The following SAMD5 variants were observed in gnomAD, a reference collection of about 807,000 sequenced individuals.
SAMD5 encodes sterile alpha motif domain-containing protein 5.
A neutral mutation model predicts 11.3 loss-of-function variants in SAMD5; 13 were observed. That is an observed-to-expected ratio of 1.15 (90% confidence interval 0.75 to 1.83). The LOEUF (loss-of-function observed/expected upper bound fraction) is 1.83, where lower values mean the gene tolerates loss of function less well. Among genes scored for constraint, SAMD5 ranks in the 40% most tolerant of loss-of-function variants. SAMD5 has a pLI of 0.00. For synonymous variants in SAMD5, 129 were observed against 111.3 expected (o/e 1.16, Z -1.00); for missense variants, 255 against 239.1 (o/e 1.07, Z -0.44).
chr6:147,541,246 G>A (rs1018352600), intron 1 of SAMD5, among the ~76,000 whole-genome samples: 1 of 152,142 alleles, frequency 6.6e-6, no homozygotes, highest in Non-Finnish European at 1.5e-5. Context: ...CACGACACCA[G>A]GCCCTTCAAG....
chr6:147,625,055 A>G (rs1790030831), intron 1 of SAMD5, among the ~76,000 whole-genome samples: 2 of 152,290 alleles, frequency 1.3e-5, no homozygotes, highest in Admixed American at 1.3e-4. Flanking sequence ...ACACTTGAAA[A>G]GACTGGGCGA....
At chr6:147,828,525 C>T in the SAMD5 span, among the ~76,000 whole-genome samples, 1 of 152,156 alleles carries the variant, frequency 6.6e-6, no homozygotes, top group Non-Finnish European at 1.5e-5. Context: ...AGAATAAAAG[C>T]AGGCAGAAGA....
chr6:147,834,804 C>G, the SAMD5 span, among the ~76,000 whole-genome samples: 19 of 152,172 alleles, frequency 1.2e-4, no homozygotes, highest in East Asian at 1.7e-3. Context: ...GAGATTATGC[C>G]CTAAATGAGA....
chr6:147,872,717 A>G, the SAMD5 span, among the ~76,000 whole-genome samples: 1 of 152,148 alleles, frequency 6.6e-6, no homozygotes, highest in East Asian at 1.9e-4. Context: ...TGGAACAGAC[A>G]TGAGGAAAAT....
intron 1 of SAMD5, among the ~76,000 whole-genome samples, chr6:147,663,295 C>T (rs762648407): frequency 6.6e-6 from 1 of 152,024 alleles, no homozygotes; most frequent in Non-Finnish European, 1.5e-5. Flanking sequence ...CATAGAGGGA[C>T]TAACACACTC....
intron 1 of SAMD5, among the ~76,000 whole-genome samples, chr6:147,604,307 T>C (rs1351209997): frequency 1.3e-5 from 2 of 152,106 alleles, no homozygotes; most frequent in Non-Finnish European, 2.9e-5. Context: ...TTGCCCTTAA[T>C]TGTTCCTCCT....
At chr6:147,625,241 G>A (rs73006391) in intron 1 of SAMD5, among the ~76,000 whole-genome samples, 5,429 of 152,288 alleles carry the variant, frequency 0.036, 127 homozygotes, top group South Asian at 0.054. Context: ...GCTTCATGTG[G>A]ACATGGTGTT....
the SAMD5 span, among the ~76,000 whole-genome samples, chr6:147,798,874 G>A: frequency 6.6e-6 from 1 of 152,154 alleles, no homozygotes; most frequent in African/African-American, 2.4e-5. Flanking sequence ...TGTTTTATCA[G>A]AGACTAGGAT....
At chr6:147,540,702 A>G (rs1788586112) in intron 1 of SAMD5, among the ~76,000 whole-genome samples, 1 of 152,054 alleles carries the variant, frequency 6.6e-6, no homozygotes, top group African/African-American at 2.4e-5. Flanking sequence ...GAGTCTCACA[A>G]ATCCTTTTTC....
At chr6:147,701,962 A>T (rs1310220839) in intron 1 of SAMD5, among the ~76,000 whole-genome samples, 4 of 152,184 alleles carry the variant, frequency 2.6e-5, no homozygotes, top group Non-Finnish European at 5.9e-5. Flanking sequence ...CTGACTAAAG[A>T]ATTGGAAACG....
chr6:147,513,805 A>G (rs114310905), intron 1 of SAMD5, among the ~76,000 whole-genome samples: 64 of 152,268 alleles, frequency 4.2e-4, no homozygotes, highest in African/African-American at 1.5e-3. Context: ...TGATGTTTCA[A>G]GGAGGAGGGA....
At chr6:147,680,638 C>G (rs759980000) in intron 1 of SAMD5, among the ~76,000 whole-genome samples, 4 of 152,010 alleles carry the variant, frequency 2.6e-5, no homozygotes, top group Admixed American at 6.6e-5. Context: ...AAGATACTAG[C>G]TGTAGGTTTT....
At chr6:147,641,568 T>TA (rs1491202683) in intron 1 of SAMD5, among the ~76,000 whole-genome samples, 1 of 27,702 alleles carries the variant, frequency 3.6e-5, no homozygotes, top group African/African-American at 7.0e-5. Flanking sequence ...CTGTCTTTAA[T>TA]TTTTTTTTTT....
intron 1 of SAMD5, among the ~76,000 whole-genome samples, chr6:147,535,744 C>T (rs1489455199): frequency 6.6e-6 from 1 of 152,092 alleles, no homozygotes; most frequent in Non-Finnish European, 1.5e-5. Flanking sequence ...GGTTTGTATC[C>T]TTAAATATCT....
rs1429060916 is a variant in SAMD5 at position 147,509,134 on chromosome 6, C to A, written c.206C>A (p.Ala69Asp). The change falls in exon 1 of 2, where the codon GCC becomes GAC. Residue 69 changes from alanine (A) to aspartate (D), a missense_variant. Transcript: ENST00000367474. Reference protein sequence around the residue: ...VRRLREQDANAAGLYFTLEPQ... With the variant: ...VRRLREQDANDAGLYFTLEPQ... ...CGGCTGCGGGAGCAGGACGCCAACG[C>A]CGCCGGCCTCTACTTCACGCTTGAG... The A allele has an allele frequency of 6.4e-7, 1 of 1,552,534 alleles. No homozygotes were observed. Among genetic ancestry groups the A allele is most frequent in the South Asian group, 1.2e-5 (1 of 85,108 alleles).
chr6:147,598,966 G>C (rs879604439), intron 1 of SAMD5, among the ~76,000 whole-genome samples: 1 of 152,192 alleles, frequency 6.6e-6, no homozygotes, highest in Non-Finnish European at 1.5e-5. Context: ...TTTCAAGGGA[G>C]GGCAGGAGAG....
intron 1 of SAMD5, among the ~76,000 whole-genome samples, chr6:147,538,270 G>T (rs9403860): frequency 0.56 from 85,557 of 152,012 alleles, 24,406 homozygotes; most frequent in East Asian, 0.71. Flanking sequence ...TAAGATAAAC[G>T]CATTACAAAC....
chr6:147,788,008 T>A, the SAMD5 span, among the ~76,000 whole-genome samples: 1 of 152,208 alleles, frequency 6.6e-6, no homozygotes, highest in African/African-American at 2.4e-5. Context: ...ATAAGGCTTT[T>A]CTTTTAATGT....
At chr6:147,731,365 G>A (rs1182898037) in intron 1 of SAMD5, among the ~76,000 whole-genome samples, 2 of 152,080 alleles carry the variant, frequency 1.3e-5, no homozygotes, top group South Asian at 4.1e-4. Flanking sequence ...AGAAAGTCTT[G>A]GAAGGTTAAT....
Sources: gnomAD v4.1 joint callset for allele counts (sites outside exome capture counted in the v4.1 genomes callset) on GRCh38, gnomAD v4.1.1 for gene constraint, MANE v1.5 for transcripts, NCBI Gene and HGNC (gene_info 2026-07-23, HGNC 2026-07-21) for gene names.